ZBTB7C: variants seen among roughly 807,000 people sequenced by gnomAD.
The protein encoded by ZBTB7C is zinc finger and BTB domain containing 7C, also known as zinc finger and BTB domain-containing protein 7C.
ZBTB7C carries 8 observed loss-of-function variants against 25.7 expected under a neutral mutation model. The observed-to-expected ratio is 0.31, with a 90% confidence interval of 0.18 to 0.56. The LOEUF (loss-of-function observed/expected upper bound fraction) is 0.56, where lower values mean the gene tolerates loss of function less well. Ranked by LOEUF, ZBTB7C falls within the 20% of genes least tolerant of loss-of-function variation. The pLI, the probability that ZBTB7C is intolerant of heterozygous loss-of-function variation, is 0.91. For missense variants in ZBTB7C, 824 were observed against 855.2 expected, an observed-to-expected ratio of 0.96 and a Z score of 0.46; for synonymous variants, 394 against 369.0, an observed-to-expected ratio of 1.07 and a Z score of -0.78.
intron 2 of ZBTB7C, among the ~76,000 whole-genome samples, chr18:48,304,162 C>T (rs902493726): frequency 1.3e-5 from 2 of 152,226 alleles, no homozygotes; most frequent in Non-Finnish European, 2.9e-5. Context: ...GCCCCACACA[C>T]AGAGCATAAG....
At chr18:48,370,196 C>G (rs970649784) in intron 1 of ZBTB7C, among the ~76,000 whole-genome samples, 1 of 152,070 alleles carries the variant, frequency 6.6e-6, no homozygotes, top group Non-Finnish European at 1.5e-5. Context: ...AATGGTTAAA[C>G]AAACTGTGGC....
chr18:48,062,563 C>T (rs1019458287), intron 3 of ZBTB7C, among the ~76,000 whole-genome samples: 10 of 152,202 alleles, frequency 6.6e-5, no homozygotes, highest in African/African-American at 1.2e-4. Flanking sequence ...TTGATCCTTA[C>T]GCTAACCCTA....
chr18:48,255,668 G>T (rs1230385665), intron 2 of ZBTB7C, among the ~76,000 whole-genome samples: 1 of 152,110 alleles, frequency 6.6e-6, no homozygotes, highest in Non-Finnish European at 1.5e-5. Context: ...TTGTTATTTG[G>T]TTCTCTTTCC....
At chr18:48,151,162 CAGG>C (rs1402490036) in intron 3 of ZBTB7C, among the ~76,000 whole-genome samples, 1 of 152,132 alleles carries the variant, frequency 6.6e-6, no homozygotes, top group Non-Finnish European at 1.5e-5. Flanking sequence ...AGGATGGGAG[CAGG>C]AGGAGGTTTT....
chr18:48,206,575 G>A lies in ZBTB7C; in HGVS notation c.-78-20580C>T, dbSNP rs9952909. 6.4e-3 allele frequency among the ~76,000 whole-genome samples: 975 copies of A among 152,248 alleles called. 16 individuals are homozygous for A. The highest frequency in any genetic ancestry group is 0.022 in the African/African-American group (930 of 41,532). ...CTCCAGAGGCTGAAGTGGGAGGATC[G>A]CTTCAGTCCAGGAGGCTGAGGCTGC... On this transcript the variant is annotated intron_variant, in intron 2 of 4. Coordinates refer to ENST00000590800, the MANE Select transcript of ZBTB7C (RefSeq NM_001318841.2).
intron 3 of ZBTB7C, chr18:48,072,353 TG>T (rs1374970655): frequency 3.9e-5 from 4 of 103,416 alleles, no homozygotes; most frequent in Non-Finnish European, 7.2e-5. Context: ...ATATGAAGCC[TG>T]GCGCTCAGGG....
intron 2 of ZBTB7C, among the ~76,000 whole-genome samples, chr18:48,200,330 AT>A (rs1381650787): frequency 1.3e-5 from 2 of 151,774 alleles, no homozygotes; most frequent in South Asian, 2.1e-4. Context: ...CACACTCCAT[AT>A]TTTGCCTTGG....
intron 3 of ZBTB7C, among the ~76,000 whole-genome samples, chr18:48,114,424 A>G (rs1243089670): frequency 6.6e-6 from 1 of 152,116 alleles, no homozygotes; most frequent in East Asian, 1.9e-4. Flanking sequence ...CAACATGGTG[A>G]GAGCCATCTC....
intron 2 of ZBTB7C, among the ~76,000 whole-genome samples, chr18:48,255,529 G>A (rs1255011443): frequency 6.6e-6 from 1 of 152,126 alleles, no homozygotes; most frequent in African/African-American, 2.4e-5. Context: ...GACCTTCCAA[G>A]AAATTAAGAG....
chr18:48,229,611 T>A (rs1055381194), intron 2 of ZBTB7C, among the ~76,000 whole-genome samples: 2 of 152,224 alleles, frequency 1.3e-5, no homozygotes, highest in Admixed American at 1.3e-4. Context: ...CAGATAGAGA[T>A]CGCTTAATAA....
chr18:48,284,892 T>C (rs2044994475), intron 2 of ZBTB7C, among the ~76,000 whole-genome samples: 1 of 152,080 alleles, frequency 6.6e-6, no homozygotes, highest in Non-Finnish European at 1.5e-5. Context: ...TCCTGAGCCT[T>C]GCTCTTGTCC....
chr18:48,356,767 G>A (rs939222668), intron 1 of ZBTB7C, among the ~76,000 whole-genome samples: 8 of 152,266 alleles, frequency 5.3e-5, no homozygotes, highest in East Asian at 1.9e-4. Context: ...TCAATGGGCC[G>A]ACGTGCATTA....
chr18:48,407,568 C>T (rs2048309243), intron 1 of ZBTB7C, among the ~76,000 whole-genome samples: 1 of 152,202 alleles, frequency 6.6e-6, no homozygotes, highest in African/African-American at 2.4e-5. Flanking sequence ...AGTCTCTCCA[C>T]CCTTGCCTGG....
chr18:48,366,094 T>C (rs935457478), intron 1 of ZBTB7C, among the ~76,000 whole-genome samples: 2 of 152,222 alleles, frequency 1.3e-5, no homozygotes, highest in Admixed American at 6.5e-5. Context: ...CCTTCCCTTA[T>C]AGATGGCTCT....
intron 2 of ZBTB7C, among the ~76,000 whole-genome samples, chr18:48,186,345 C>T (rs972162412): frequency 2.0e-5 from 3 of 152,252 alleles, no homozygotes; most frequent in Middle Eastern, 3.2e-3. Flanking sequence ...AGCAACCCTG[C>T]GCGTGCAGCT....
chr18:48,103,481 A>C (rs1256278792), intron 3 of ZBTB7C, among the ~76,000 whole-genome samples: 1 of 152,188 alleles, frequency 6.6e-6, no homozygotes, highest in Non-Finnish European at 1.5e-5. Context: ...AGCAACAAAA[A>C]TTTCTTTACC....
chr18:48,046,906 G>A (rs996631383), intron 3 of ZBTB7C, among the ~76,000 whole-genome samples: 2 of 152,184 alleles, frequency 1.3e-5, no homozygotes, highest in East Asian at 1.9e-4. Flanking sequence ...TGGATCTGAC[G>A]ATGGGGACAG....
At chr18:48,121,390 C>T (rs2039623537) in intron 3 of ZBTB7C, among the ~76,000 whole-genome samples, 2 of 128,724 alleles carry the variant, frequency 1.6e-5, no homozygotes, top group Non-Finnish European at 3.2e-5. Flanking sequence ...TTCAAGTTGG[C>T]TTAATACTCT....
chr18:48,348,988 G>A (rs1305413741), intron 1 of ZBTB7C, among the ~76,000 whole-genome samples: 1 of 152,182 alleles, frequency 6.6e-6, no homozygotes, highest in East Asian at 1.9e-4. Context: ...TCTGGCCAAG[G>A]GAAAAAGCCC....
Sources: gnomAD v4.1 joint callset for allele counts (sites outside exome capture counted in the v4.1 genomes callset) on GRCh38, gnomAD v4.1.1 for gene constraint, MANE v1.5 for transcripts, NCBI Gene and HGNC (gene_info 2026-07-23, HGNC 2026-07-21) for gene names.